The following KLHL6 variants were observed in gnomAD, a reference collection of about 807,000 sequenced individuals.
The protein encoded by KLHL6 is kelch-like protein 6.
A neutral mutation model predicts 58.6 loss-of-function variants in KLHL6; 41 were observed. That is an observed-to-expected ratio of 0.70 (90% confidence interval 0.55 to 0.91). The LOEUF (loss-of-function observed/expected upper bound fraction) is 0.91, where lower values mean the gene tolerates loss of function less well. KLHL6 is among the 40% of genes least tolerant of loss of function. The pLI is 0.00. For missense variants in KLHL6, 714 were observed against 805.6 expected, an observed-to-expected ratio of 0.89 and a Z score of 1.38; for synonymous variants, 338 against 322.7, an observed-to-expected ratio of 1.05 and a Z score of -0.51.
intron 1 of KLHL6, among the ~76,000 whole-genome samples, chr3:183,552,717 C>CAA (rs1169148282): frequency 6.1e-3 from 285 of 46,890 alleles, no homozygotes; most frequent in Non-Finnish European, 8.2e-3. Flanking sequence ...GACTCCGTCT[C>CAA]AAAAAAAAAA....
intron 1 of KLHL6, among the ~76,000 whole-genome samples, chr3:183,535,407 C>G (rs1287132755): frequency 6.6e-6 from 1 of 152,080 alleles, no homozygotes; most frequent in Non-Finnish European, 1.5e-5. Context: ...TCTCAGGAGG[C>G]AAAGCAAATT....
chr3:183,494,340 C>T (rs1315218431), intron 4 of KLHL6, 59 bp from the exon 5 acceptor site: 6 of 1,404,912 alleles, frequency 4.3e-6, no homozygotes, highest in Non-Finnish European at 6.0e-6. Context: ...ACAGCTTCTC[C>T]CATAATATCC....
chr3:183,534,087 T>G (rs149452070), intron 1 of KLHL6, among the ~76,000 whole-genome samples: 99 of 108,156 alleles, frequency 9.2e-4, no homozygotes, highest in Admixed American at 1.5e-3. Flanking sequence ...TAAAAGTACT[T>G]TACTTTTAAA....
chr3:183,493,989 T>C, intron 5 of KLHL6, 90 bp downstream of exon 5: 1 of 1,186,108 alleles, frequency 8.4e-7, no homozygotes, highest in South Asian at 1.3e-5. Flanking sequence ...ATCAGAAAGC[T>C]GACCACCACG....
intron 2 of KLHL6, among the ~76,000 whole-genome samples, chr3:183,517,889 G>A (rs886319130): frequency 1.3e-5 from 2 of 152,200 alleles, no homozygotes; most frequent in African/African-American, 4.8e-5. Context: ...GTTTGTGTGT[G>A]TGTGCGTAGG....
intron 4 of KLHL6, among the ~76,000 whole-genome samples, chr3:183,497,280 C>G (rs1043136388): frequency 6.6e-6 from 1 of 152,188 alleles, no homozygotes; most frequent in African/African-American, 2.4e-5. Flanking sequence ...GGCATGATGG[C>G]ATGTGCCTGT....
chr3:183,507,938 G>A lies in KLHL6; in HGVS notation c.909+121C>T. On this transcript the variant is annotated intron_variant, in intron 3 of 6. Coordinates refer to ENST00000341319, the MANE Select transcript of KLHL6 (RefSeq NM_130446.4). The stretch of plus-strand genomic sequence containing the variant: ...AACTGACCGACTCAGCAATGAACAG[G>A]GCAGTGTTTTCTCCTTAATGCCCTA... The A allele has an allele frequency of 5.0e-6, 4 of 802,418 alleles. No homozygotes were observed. In the South Asian group the frequency reaches 5.4e-5, roughly 11 times the overall value. 49.7% of individuals were successfully genotyped at this position (802,418 alleles called of 1,614,324 possible).
At chr3:183,543,698 T>G (rs1013950932) in intron 1 of KLHL6, among the ~76,000 whole-genome samples, 1 of 152,176 alleles carries the variant, frequency 6.6e-6, no homozygotes, top group Non-Finnish European at 1.5e-5. Flanking sequence ...AAACCTGAGC[T>G]TACTCTACAA....
chr3:183,508,346 C>T lies in KLHL6; in HGVS notation c.622G>A (p.Glu208Lys). The T allele has an allele frequency of 1.2e-6, 2 of 1,614,214 alleles. No homozygotes were observed. The change falls in exon 3 of 7, where the codon GAG becomes AAG. Residue 208 changes from glutamate to lysine, a missense_variant. Physicochemically the swap from Glu to Lys is moderately conservative, Grantham distance 56. Coordinates refer to ENST00000341319, the MANE Select transcript of KLHL6 (RefSeq NM_130446.4). ...IQNFVQILNS[E>K]EFLDLPVDTL... Reference sequence around the variant, plus strand: ...TCCACGGGCAGGTCAAGAAACTCCTCAGAGTTCAGAATCTGCACAAAGTTT... The same window carrying T: ...TCCACGGGCAGGTCAAGAAACTCCTTAGAGTTCAGAATCTGCACAAAGTTT...
At chr3:183,510,540 T>G (rs1406969272) in intron 2 of KLHL6, among the ~76,000 whole-genome samples, 1 of 152,152 alleles carries the variant, frequency 6.6e-6, no homozygotes, top group Non-Finnish European at 1.5e-5. Flanking sequence ...TTGCAAAATA[T>G]TATCTTTCTG....
chr3:183,500,050 G>T (rs1206426492), intron 3 of KLHL6, among the ~76,000 whole-genome samples: 1 of 152,204 alleles, frequency 6.6e-6, no homozygotes, highest in East Asian at 1.9e-4. Context: ...TACACAGTGT[G>T]CTTCGCCCAG....
chr3:183,508,806 C>G (rs1281409650), intron 2 of KLHL6, among the ~76,000 whole-genome samples: 2 of 152,154 alleles, frequency 1.3e-5, no homozygotes, highest in Admixed American at 1.3e-4. Context: ...GAGACACTTA[C>G]GGGACTAGCT....
intron 2 of KLHL6, among the ~76,000 whole-genome samples, chr3:183,512,235 T>C (rs909363880): frequency 6.6e-6 from 1 of 152,170 alleles, no homozygotes; most frequent in African/African-American, 2.4e-5. Context: ...ACGATCACCA[T>C]GCCAGCGTTT....
At chr3:183,527,747 C>A in intron 2 of KLHL6, 98 bp downstream of exon 2, 1 of 984,706 alleles carries the variant, frequency 1.0e-6, no homozygotes, top group Non-Finnish European at 1.5e-6. Context: ...TGTCCATGTC[C>A]CAGGTACAGG....
At chr3:183,543,313 G>A (rs1252770276) in intron 1 of KLHL6, among the ~76,000 whole-genome samples, 1 of 151,750 alleles carries the variant, frequency 6.6e-6, no homozygotes, top group African/African-American at 2.4e-5. Context: ...GAGAGAGAGA[G>A]ATAATACTAT....
chr3:183,503,654 C>T (rs572982383), intron 3 of KLHL6, among the ~76,000 whole-genome samples: 47 of 152,294 alleles, frequency 3.1e-4, no homozygotes, highest in African/African-American at 1.1e-3. Flanking sequence ...TGGCACATGC[C>T]TGTAATCCCA....
chr3:183,492,225 C>A lies in KLHL6; in HGVS notation c.1568G>T (p.Gly523Val). ...GTAGGCGTACAGCGCTCTCATGGCC[C>A]CACCTGAGGAGAGGGAGGAAACACG... ...SFRDRIYVVG[G>V]AMRALYAYSP... Residue 523 changes from glycine (G) to valine (V), a missense_variant, in exon 7 of 7, where the codon GGG becomes GTG. Physicochemically the swap from Gly to Val is moderately radical, Grantham distance 109 (BLOSUM62 -3). Coordinates refer to ENST00000341319, the MANE Select transcript of KLHL6 (RefSeq NM_130446.4). This position sits in a 1 kb window ranked among gnomAD's most constrained non-coding sequence, Gnocchi z 5.9. The A allele has an allele frequency of 6.3e-7, 1 of 1,590,876 alleles. No individual in the cohort carries two copies.
rs375722439 is a variant in KLHL6, at chr3:183,522,053, C to T, written c.459+5792G>A. Among the ~76,000 whole-genome samples the T allele has an allele frequency of 6.7e-5, 10 of 149,002 alleles. No individual in the cohort carries two copies. In the East Asian group the frequency reaches 8.7e-4, roughly 13 times the overall value. On this transcript the variant is annotated intron_variant, in intron 2 of 6. Transcript: ENST00000341319. ...CAAAATAGCTGCTACTGGCTGGGCA[C>T]GGTGGCTCAGGCCTGTAATCCCAGC...
At chr3:183,533,754 C>T (rs954865445) in intron 1 of KLHL6, among the ~76,000 whole-genome samples, 16 of 152,052 alleles carry the variant, frequency 1.1e-4, no homozygotes, top group Middle Eastern at 3.4e-3. Context: ...TCAAGGTGAT[C>T]GTCCCCCCTC....
Sources: allele counts gnomAD v4.1 joint callset (sites outside exome capture counted in the v4.1 genomes callset), GRCh38; gene constraint gnomAD v4.1.1; non-coding constraint Gnocchi (gnomAD v3.1); transcripts MANE v1.5; gene names NCBI Gene and HGNC (gene_info 2026-07-23, HGNC 2026-07-21).